HDAC9: variants seen among roughly 807,000 people sequenced by gnomAD.
The protein encoded by HDAC9 is histone deacetylase 9, also known as MEF-2 interacting transcription repressor (MITR) protein.
Under a neutral mutation model 139.4 loss-of-function variants are expected in HDAC9, and 41 were observed. The observed-to-expected ratio is 0.29, with a 90% CI of 0.23 to 0.38. The LOEUF (loss-of-function observed/expected upper bound fraction) is 0.38, where lower values mean the gene tolerates loss of function less well. Among genes scored for constraint, HDAC9 ranks in the 10% least tolerant of loss-of-function variants. The pLI is 1.00. For synonymous variants in HDAC9, 517 were observed against 476.2 expected (o/e 1.09, Z -1.12); for missense variants, 1,147 against 1,297.0 (o/e 0.88, Z 1.78).
intron 11 of HDAC9, among the ~76,000 whole-genome samples, chr7:18,664,538 T>C (rs1794224475): frequency 6.6e-6 from 1 of 152,156 alleles, no homozygotes; most frequent in Admixed American, 6.6e-5. Context: ...ACTAGCCTTT[T>C]GGTGACTTAG....
In HDAC9 at chr7:18,652,713, A is replaced by G. The variant is rs529737746; in HGVS notation, c.1467+4030A>G. ...TTTTAACTAGAATATTAATATCTTT[A>G]TTAATATCTGTTTTTCATATTCATT... On this transcript the variant is annotated intron_variant, in intron 11 of 25. Transcript: ENST00000686413. 5.3e-5 allele frequency among the ~76,000 whole-genome samples: 8 copies of G among 152,212 alleles called. No individual in the cohort carries two copies. In the South Asian group the frequency reaches 1.7e-3, roughly 32 times the overall value.
At chr7:18,105,568 A>T (rs974425077) in intron 1 of HDAC9, among the ~76,000 whole-genome samples, 13 of 137,342 alleles carry the variant, frequency 9.5e-5, no homozygotes, top group African/African-American at 3.6e-4. Context: ...ATCTACATCT[A>T]GGATGCTTTC....
At chr7:18,233,506 A>G (rs988904983) in intron 2 of HDAC9, among the ~76,000 whole-genome samples, 1 of 151,532 alleles carries the variant, frequency 6.6e-6, no homozygotes, top group Admixed American at 6.6e-5. Flanking sequence ...TCACTAAACT[A>G]TGGATTAAAT....
intron 1 of HDAC9, among the ~76,000 whole-genome samples, chr7:18,427,748 G>C (rs1181070246): frequency 6.7e-6 from 1 of 150,150 alleles, no homozygotes; most frequent in East Asian, 2.0e-4. Flanking sequence ...GAACACTTAA[G>C]AGGGTGAGAC....
intron 2 of HDAC9, among the ~76,000 whole-genome samples, chr7:18,532,153 G>A (rs972360451): frequency 6.6e-6 from 1 of 152,134 alleles, no homozygotes; most frequent in Admixed American, 6.5e-5. Context: ...GGGAGGCTGA[G>A]GCAGGAGAAT....
Position 18,861,820 on chromosome 7 carries a change from G to T in HDAC9, c.2685-12658G>T, listed in dbSNP as rs944544354. ...GTCATATTTGAAACTCTAATTAAAA[G>T]AATACACTTTCTGGACCAGGTATAT... On this transcript the variant is annotated intron_variant, in intron 21 of 25. Coordinates refer to ENST00000686413, the MANE Select transcript of HDAC9 (RefSeq NM_178425.4). Among the ~76,000 whole-genome samples the T allele has an allele frequency of 4.6e-5, 7 of 152,198 alleles. No homozygotes were observed. In the East Asian group the frequency reaches 5.8e-4, roughly 13 times the overall value.
intron 1 of HDAC9, among the ~76,000 whole-genome samples, chr7:18,407,476 A>G (rs1788122245): frequency 1.3e-5 from 2 of 152,176 alleles, no homozygotes; most frequent in African/African-American, 4.8e-5. Flanking sequence ...CTAAAAACGT[A>G]TGAACAGCCA....
intron 1 of HDAC9, among the ~76,000 whole-genome samples, chr7:18,304,778 A>T (rs1189118885): frequency 1.3e-5 from 2 of 152,166 alleles, no homozygotes; most frequent in Non-Finnish European, 2.9e-5. Flanking sequence ...TACGTATTCC[A>T]AGACTTAAGA....
chr7:18,748,780 C>G (rs1788197656), intron 13 of HDAC9, among the ~76,000 whole-genome samples: 1 of 152,174 alleles, frequency 6.6e-6, no homozygotes, highest in Non-Finnish European at 1.5e-5. Flanking sequence ...AAACTAGGGT[C>G]TGAGTACTGG....
intron 14 of HDAC9, among the ~76,000 whole-genome samples, chr7:18,755,728 T>C (rs1326639882): frequency 6.6e-6 from 1 of 152,086 alleles, no homozygotes; most frequent in Non-Finnish European, 1.5e-5. Flanking sequence ...AGAGTATATA[T>C]GCTCGTCACC....
intron 2 of HDAC9, among the ~76,000 whole-genome samples, chr7:18,179,716 G>C (rs1208788106): frequency 6.6e-6 from 1 of 152,108 alleles, no homozygotes; most frequent in Non-Finnish European, 1.5e-5. Flanking sequence ...AAAGCCCAAG[G>C]ACTTAAACGC....
chr7:18,956,567 C>T (rs1397211870), intron 24 of HDAC9, among the ~76,000 whole-genome samples: 1 of 152,100 alleles, frequency 6.6e-6, no homozygotes, highest in African/African-American at 2.4e-5. Context: ...CATAAGCAAC[C>T]AGAGCTCCTC....
chr7:18,124,861 A>G (rs764625990), intron 1 of HDAC9, among the ~76,000 whole-genome samples: 2 of 151,548 alleles, frequency 1.3e-5, no homozygotes, highest in Non-Finnish European at 2.9e-5. Flanking sequence ...AAAGGAACAG[A>G]TGACTGATAT....
At chr7:18,665,403 T>C (rs1794562044) in intron 11 of HDAC9, among the ~76,000 whole-genome samples, 1 of 152,148 alleles carries the variant, frequency 6.6e-6, no homozygotes, top group Non-Finnish European at 1.5e-5. Flanking sequence ...TGTTATGATA[T>C]TTTGCTATTG....
intron 12 of HDAC9, among the ~76,000 whole-genome samples, chr7:18,673,740 G>T (rs1176608839): frequency 6.6e-6 from 1 of 151,752 alleles, no homozygotes; most frequent in Non-Finnish European, 1.5e-5. Context: ...AAAATAGATG[G>T]GCTATAAAAC....
At chr7:18,826,106 TG>T (rs1562967994) in intron 17 of HDAC9, among the ~76,000 whole-genome samples, 9 of 152,216 alleles carry the variant, frequency 5.9e-5, no homozygotes, top group Middle Eastern at 3.4e-3. Context: ...TTCTCTAGTG[TG>T]ACAGAGAATA....
At chr7:18,493,287 A>G (rs1259629730), upstream of HDAC9, among the ~76,000 whole-genome samples, 1 of 151,928 alleles carries the variant, frequency 6.6e-6, no homozygotes, top group Non-Finnish European at 1.5e-5. Flanking sequence ...TTCATCATAA[A>G]TTTTTGTATT....
At chr7:18,120,720 CA>C (rs1784316101) in intron 1 of HDAC9, among the ~76,000 whole-genome samples, 1 of 152,162 alleles carries the variant, frequency 6.6e-6, no homozygotes, top group African/African-American at 2.4e-5. Context: ...GGGTGAAATA[CA>C]AAGTGTATAT....
intron 15 of HDAC9, among the ~76,000 whole-genome samples, chr7:18,766,110 C>T (rs1789809897): frequency 6.6e-6 from 1 of 152,156 alleles, no homozygotes; most frequent in Admixed American, 6.5e-5. Context: ...TTTAATTTCT[C>T]ATTTCATTGA....
Sources: gnomAD v4.1 joint callset for allele counts (sites outside exome capture counted in the v4.1 genomes callset) on GRCh38, gnomAD v4.1.1 for gene constraint, MANE v1.5 for transcripts, NCBI Gene and HGNC (gene_info 2026-07-23, HGNC 2026-07-21) for gene names.